Variants in EIPR1 observed in about 807,000 individuals in gnomAD.
EIPR1 encodes EARP complex and GARP complex interacting protein 1.
In EIPR1, 25 loss-of-function variants were observed where a neutral mutation model predicts 48.1. The ratio of observed to expected loss-of-function variants is 0.52; its 90% CI spans 0.38 to 0.73. EIPR1 has a LOEUF of 0.73. Among genes scored for constraint, EIPR1 ranks in the 30% least tolerant of loss-of-function variants. The pLI is 0.00. For synonymous variants in EIPR1, 204 were observed against 201.9 expected, an observed-to-expected ratio of 1.01 and a Z score of -0.09; for missense variants, 415 against 506.2, an observed-to-expected ratio of 0.82 and a Z score of 1.73.
At chr2:3,304,130 C>T (rs528127815) in intron 3 of EIPR1, among the ~76,000 whole-genome samples, 57 of 152,308 alleles carry the variant, frequency 3.7e-4, no homozygotes, top group African/African-American at 1.2e-3. Context: ...CCCAGGCACG[C>T]GGACAGGCAG....
intron 3 of EIPR1, among the ~76,000 whole-genome samples, chr2:3,305,081 A>ACCCTCCACTCCCAACCAGTTCAG (rs1668891733): frequency 3.7e-5 from 2 of 54,312 alleles, no homozygotes; most frequent in African/African-American, 7.9e-5. Flanking sequence ...GTCCAGTTCA[A>ACCCTCCACTCCCAACCAGTTCAG]CCCTCCACTC....
At chr2:3,256,585 C>A in intron 4 of EIPR1, among the ~76,000 whole-genome samples, 1 of 152,222 alleles carries the variant, frequency 6.6e-6, no homozygotes, top group East Asian at 1.9e-4. Context: ...CAGACACACA[C>A]GCACATGTGT....
In EIPR1 at chr2:3,286,133, C is replaced by T. The variant is rs922778613; in HGVS notation, c.260-28678G>A. On this transcript the variant is annotated intron_variant, in intron 3 of 8. Coordinates refer to ENST00000382125, the MANE Select transcript of EIPR1 (RefSeq NM_003310.5). The surrounding 1 kb of genome is among the most constrained non-coding windows in gnomAD (Gnocchi z 4.2). Reference sequence around the variant, plus strand: ...CTCCAGCTTTTTCCAGCCAAGCCCCCAGGCACATGGAGCAGACACAAGCCA... The same window carrying T: ...CTCCAGCTTTTTCCAGCCAAGCCCCTAGGCACATGGAGCAGACACAAGCCA... Among the ~76,000 whole-genome samples the T allele has an allele frequency of 3.9e-5, 6 of 152,188 alleles. No homozygotes were observed. Among genetic ancestry groups the T allele is most frequent in the African/African-American group, 1.4e-4 (6 of 41,450 alleles).
intron 5 of EIPR1, among the ~76,000 whole-genome samples, chr2:3,201,738 T>A (rs1665042702): frequency 6.6e-6 from 1 of 152,146 alleles, no homozygotes; most frequent in South Asian, 2.1e-4. Context: ...GGGGAGTAGG[T>A]CAAAATAAAC....
intron 1 of EIPR1, among the ~76,000 whole-genome samples, chr2:3,368,075 C>G (rs1249162199): frequency 6.6e-6 from 1 of 152,052 alleles, no homozygotes. Flanking sequence ...AATTTAATCT[C>G]CATCTTCCAT....
chr2:3,374,430 G>C (rs1308781732), intron 1 of EIPR1, among the ~76,000 whole-genome samples: 1 of 151,818 alleles, frequency 6.6e-6, no homozygotes, highest in Non-Finnish European at 1.5e-5. Context: ...ACTACCAACA[G>C]AGTGAACAGG....
chr2:3,196,759 G>A (rs1248479052), intron 6 of EIPR1, 122 bp downstream of exon 6: 8 of 1,365,032 alleles, frequency 5.9e-6, no homozygotes, highest in Non-Finnish European at 7.7e-6. Context: ...CTACAAAAAC[G>A]AGATAAAGAC....
At chr2:3,242,805 A>G (rs989794258) in intron 4 of EIPR1, among the ~76,000 whole-genome samples, 1 of 152,242 alleles carries the variant, frequency 6.6e-6, no homozygotes, top group East Asian at 1.9e-4. Context: ...CCCAGCTTAC[A>G]AATCGTTTAC....
intron 1 of EIPR1, among the ~76,000 whole-genome samples, chr2:3,376,018 T>C (rs930302904): frequency 3.3e-5 from 5 of 152,126 alleles, no homozygotes; most frequent in Non-Finnish European, 7.4e-5. Context: ...CTCATGACTA[T>C]AATCCCAGCA....
intron 4 of EIPR1, among the ~76,000 whole-genome samples, chr2:3,236,685 A>G (rs1016898073): frequency 2.0e-5 from 3 of 152,160 alleles, no homozygotes; most frequent in African/African-American, 4.8e-5. Flanking sequence ...CTACCTGGAC[A>G]GCATTCTCCT....
chr2:3,277,273 C>CA (rs1171141439), intron 3 of EIPR1, among the ~76,000 whole-genome samples: 1 of 152,176 alleles, frequency 6.6e-6, no homozygotes, highest in Non-Finnish European at 1.5e-5. Flanking sequence ...CGCGGCCCCA[C>CA]ACCTGTCTCC....
At chr2:3,218,828 T>G (rs1331290011) in intron 4 of EIPR1, among the ~76,000 whole-genome samples, 6 of 77,706 alleles carry the variant, frequency 7.7e-5, no homozygotes, top group Non-Finnish European at 1.6e-4. Flanking sequence ...ACTCTAGAGC[T>G]TTCACAGTGA....
intron 1 of EIPR1, among the ~76,000 whole-genome samples, chr2:3,356,196 G>A (rs1670724602): frequency 6.6e-6 from 1 of 152,226 alleles, no homozygotes; most frequent in Admixed American, 6.5e-5. Context: ...CCATGGGTCA[G>A]TCACTGGATG....
intron 3 of EIPR1, among the ~76,000 whole-genome samples, chr2:3,336,768 G>GAAAAGAACAGGAAAAT (rs1670056055): frequency 2.3e-5 from 3 of 129,322 alleles, no homozygotes; most frequent in Non-Finnish European, 3.3e-5. Context: ...ACTCTGTCAA[G>GAAAAGAACAGGAAAAT]AAAAGAAAAG....
chr2:3,359,789 A>G (rs899956336), intron 1 of EIPR1, among the ~76,000 whole-genome samples: 3 of 152,246 alleles, frequency 2.0e-5, no homozygotes, highest in African/African-American at 4.8e-5. Flanking sequence ...TCAAATTTTT[A>G]TAGTATAATA....
At chr2:3,208,229 A>C (rs1298253347) in intron 5 of EIPR1, 2 of 312,600 alleles carry the variant, frequency 6.4e-6, no homozygotes, top group Admixed American at 9.1e-5. Context: ...TCATGCTCAT[A>C]GGACAAAATG....
chr2:3,218,869 CGCTCT>C (rs1665752061), intron 4 of EIPR1, among the ~76,000 whole-genome samples: 4 of 129,670 alleles, frequency 3.1e-5, no homozygotes, highest in Admixed American at 7.9e-5. Context: ...GGCCCTGATA[CGCTCT>C]AGAGCTTTCA....
At chr2:3,341,257 C>A (rs1402588888) in intron 2 of EIPR1, among the ~76,000 whole-genome samples, 2 of 152,100 alleles carry the variant, frequency 1.3e-5, no homozygotes, top group African/African-American at 2.4e-5. Context: ...AGAAGGAGCA[C>A]CTTGTGCGAT....
intron 1 of EIPR1, among the ~76,000 whole-genome samples, chr2:3,369,336 A>G (rs531118589): frequency 6.6e-6 from 1 of 152,200 alleles, no homozygotes; most frequent in Non-Finnish European, 1.5e-5. Context: ...CTGCATTTCC[A>G]TATGAGGTAC....
Sources: allele counts gnomAD v4.1 joint callset (sites outside exome capture counted in the v4.1 genomes callset), GRCh38; gene constraint gnomAD v4.1.1; non-coding constraint Gnocchi (gnomAD v3.1); transcripts MANE v1.5; gene names NCBI Gene and HGNC (gene_info 2026-07-23, HGNC 2026-07-21).